TMEM132D: variants seen among roughly 807,000 people sequenced by gnomAD.
TMEM132D encodes transmembrane protein 132D.
Under a neutral mutation model 62.3 loss-of-function variants are expected in TMEM132D, and 21 were observed. The observed-to-expected ratio is 0.34, with a 90% CI of 0.24 to 0.49. TMEM132D has a LOEUF of 0.49. TMEM132D is among the 20% of genes least tolerant of loss of function. The pLI is 0.99. For missense variants in TMEM132D, 1,346 were observed against 1,402.8 expected, an observed-to-expected ratio of 0.96 and a Z score of 0.65; for synonymous variants, 621 against 575.6, an observed-to-expected ratio of 1.08 and a Z score of -1.13.
At chr12:129,627,844 G>A (rs560996593) in intron 2 of TMEM132D, among the ~76,000 whole-genome samples, 10 of 152,070 alleles carry the variant, frequency 6.6e-5, no homozygotes, top group South Asian at 2.1e-4. Flanking sequence ...AAAATTAGCC[G>A]GGCGTGGTGG....
intron 5 of TMEM132D, among the ~76,000 whole-genome samples, chr12:129,088,147 C>T (rs1593255681): frequency 5.8e-5 from 2 of 34,780 alleles, no homozygotes; most frequent in East Asian, 2.7e-3. Flanking sequence ...GGGTGTCCTC[C>T]CTGACCGGGT....
At chr12:129,082,690 G>T (rs1053523591) in intron 6 of TMEM132D, among the ~76,000 whole-genome samples, 1 of 152,196 alleles carries the variant, frequency 6.6e-6, no homozygotes, top group Non-Finnish European at 1.5e-5. Flanking sequence ...GCTCAGCCAT[G>T]CCTGGATTCC....
chr12:129,841,687 G>T (rs574022381), intron 1 of TMEM132D, among the ~76,000 whole-genome samples: 16 of 152,260 alleles, frequency 1.1e-4, no homozygotes, highest in Middle Eastern at 3.4e-3. Context: ...AGAACTCAAC[G>T]ACGAAGTTGT....
intron 2 of TMEM132D, among the ~76,000 whole-genome samples, chr12:129,608,224 T>G (rs902470184): frequency 6.6e-6 from 1 of 152,188 alleles, no homozygotes; most frequent in African/African-American, 2.4e-5. Context: ...CACTGGCTTT[T>G]CAATTAACGG....
At chr12:129,262,377 G>T (rs1474932256) in intron 4 of TMEM132D, 1 of 152,134 alleles carries the variant, frequency 6.6e-6, no homozygotes, top group Non-Finnish European at 1.5e-5. Context: ...AGCTTGCTAG[G>T]TACCTACTGA....
At chr12:129,511,933 G>T in intron 3 of TMEM132D, among the ~76,000 whole-genome samples, 1 of 152,150 alleles carries the variant, frequency 6.6e-6, no homozygotes, top group Admixed American at 6.5e-5. Flanking sequence ...ATGTCACACA[G>T]CTGTTAAATA....
At chr12:129,576,158 C>T (rs1877652977) in intron 2 of TMEM132D, among the ~76,000 whole-genome samples, 1 of 151,856 alleles carries the variant, frequency 6.6e-6, no homozygotes, top group African/African-American at 2.4e-5. Flanking sequence ...CATGCAAGCT[C>T]CGCTTTCTCT....
At chr12:129,372,128 T>C (rs1253795668) in intron 3 of TMEM132D, among the ~76,000 whole-genome samples, 2 of 152,168 alleles carry the variant, frequency 1.3e-5, no homozygotes, top group Non-Finnish European at 2.9e-5. Context: ...CAACCTCCAA[T>C]CCAAAGCTGG....
At chr12:129,261,854 G>C (rs1377019236) in intron 4 of TMEM132D, among the ~76,000 whole-genome samples, 1 of 152,182 alleles carries the variant, frequency 6.6e-6, no homozygotes, top group African/African-American at 2.4e-5. Flanking sequence ...TCCAAATACA[G>C]TCACGTTCTG....
chr12:129,319,105 G>A (rs957503682), intron 4 of TMEM132D, among the ~76,000 whole-genome samples: 4 of 152,140 alleles, frequency 2.6e-5, no homozygotes, highest in Admixed American at 6.5e-5. Context: ...GCCCTCTCCC[G>A]AGTTCTGGCC....
At chr12:129,365,621 C>T (rs1870382385) in intron 3 of TMEM132D, among the ~76,000 whole-genome samples, 1 of 152,156 alleles carries the variant, frequency 6.6e-6, no homozygotes, top group Non-Finnish European at 1.5e-5. Flanking sequence ...CACTGAGATG[C>T]AAGCCCAACC....
Position 129,082,123 on chromosome 12 carries a change from G to C in TMEM132D, c.1650-91C>G, listed in dbSNP as rs1012954971. 2.4e-5 allele frequency: 35 copies of C among 1,472,830 alleles called. No individual in the cohort carries two copies. The Admixed American group carries it at 3.9e-4, about 16-fold the overall frequency. The allele number at this position is 1,472,830 out of a possible 1,614,324, so 91.2% of individuals were successfully genotyped here. On this transcript the variant is annotated intron_variant, in intron 6 of 8. Coordinates refer to ENST00000422113, the MANE Select transcript of TMEM132D (RefSeq NM_133448.3). ...GAGCCTGGTGGGGGCTGCAGAGGTAGGTAGGCCATGAGACTTCAAGGAGTT... is the reference window on the plus strand; with the variant it reads ...GAGCCTGGTGGGGGCTGCAGAGGTACGTAGGCCATGAGACTTCAAGGAGTT...
At chr12:129,418,338 A>T (rs914544032) in intron 3 of TMEM132D, among the ~76,000 whole-genome samples, 8 of 152,212 alleles carry the variant, frequency 5.3e-5, no homozygotes, top group African/African-American at 1.7e-4. Flanking sequence ...TAGACTGGAT[A>T]AAAAAAAGTG....
At chr12:129,683,975 G>A (rs564530206) in intron 2 of TMEM132D, among the ~76,000 whole-genome samples, 1 of 152,288 alleles carries the variant, frequency 6.6e-6, no homozygotes, top group South Asian at 2.1e-4. Flanking sequence ...AAGCTATGAT[G>A]AGCTACTCCT....
At chr12:129,831,978 C>G (rs1593179568) in intron 1 of TMEM132D, among the ~76,000 whole-genome samples, 1 of 98,976 alleles carries the variant, frequency 1.0e-5, no homozygotes, top group African/African-American at 3.4e-5. Context: ...CCAGAGATCC[C>G]CCTGCCTCAG....
rs529932746 is a variant in TMEM132D at position 129,526,089 on chromosome 12, C to T, written c.1115+4970G>A. On this transcript the variant is annotated intron_variant, in intron 3 of 8. Transcript: ENST00000422113. ...TTCTAACATACACACAACAACTGTT[C>T]TGGTAGCGTGCTAATGTGAGTTTCC... Among the ~76,000 whole-genome samples the T allele has an allele frequency of 7.3e-4, 111 of 152,298 alleles. 1 individual carries two copies. Among genetic ancestry groups the T allele is most frequent in the Non-Finnish European group, 2.9e-5 (2 of 68,034 alleles).
chr12:129,226,826 C>T (rs942995319), intron 4 of TMEM132D, among the ~76,000 whole-genome samples: 8 of 152,160 alleles, frequency 5.3e-5, no homozygotes, highest in African/African-American at 1.7e-4. Context: ...GACTCAGCAA[C>T]GAGGTGAATG....
At chr12:129,425,571 A>G (rs1300889681) in intron 3 of TMEM132D, among the ~76,000 whole-genome samples, 1 of 152,212 alleles carries the variant, frequency 6.6e-6, no homozygotes, top group East Asian at 1.9e-4. Context: ...GCAGTCAAGA[A>G]CAAAGTGGCC....
At chr12:129,570,965 G>T (rs1169039209) in intron 2 of TMEM132D, among the ~76,000 whole-genome samples, 3 of 152,170 alleles carry the variant, frequency 2.0e-5, no homozygotes, top group Non-Finnish European at 4.4e-5. Context: ...GGGACAGGAC[G>T]AATGCAGAAG....
Sources: allele counts gnomAD v4.1 joint callset (sites outside exome capture counted in the v4.1 genomes callset), GRCh38; gene constraint gnomAD v4.1.1; transcripts MANE v1.5; gene names NCBI Gene and HGNC (gene_info 2026-07-23, HGNC 2026-07-21).